The following RPTOR variants were observed in gnomAD, a reference collection of about 807,000 sequenced individuals.
RPTOR encodes the protein regulatory-associated protein of mTOR.
A neutral mutation model predicts 169.9 loss-of-function variants in RPTOR; 21 were observed. The ratio of observed to expected loss-of-function variants is 0.12; its 90% CI spans 0.09 to 0.18. RPTOR has a LOEUF of 0.18. Among genes scored for constraint, RPTOR ranks in the 10% least tolerant of loss-of-function variants. RPTOR has a pLI of 1.00. For synonymous variants in RPTOR, 732 were observed against 753.2 expected (o/e 0.97, Z 0.46); for missense variants, 1,133 against 1,855.9 (o/e 0.61, Z 7.16).
chr17:80,585,165 GTTTATTATT>G lies in RPTOR; in HGVS notation c.162+39375_162+39383del, dbSNP rs1387505591. Among the ~76,000 whole-genome samples the G allele has an allele frequency of 7.4e-5, 6 of 80,832 alleles. No homozygotes were observed. In the South Asian group the frequency reaches 2.2e-3, roughly 30 times the overall value. The allele number at this position is 80,832 out of a possible 152,430, so 53.0% of individuals were successfully genotyped here. ...ATCCTGTTCTTGTTTCAGTGCTTTG[GTTTATTATT>G]ATTATTATTATTATTATTATTATTA... On this transcript the variant is annotated intron_variant, in intron 1 of 33. Coordinates refer to ENST00000306801, the MANE Select transcript of RPTOR (RefSeq NM_020761.3).
At chr17:80,766,995 G>A (rs1308904615) in intron 6 of RPTOR, among the ~76,000 whole-genome samples, 5 of 152,142 alleles carry the variant, frequency 3.3e-5, no homozygotes, top group Admixed American at 1.3e-4. Flanking sequence ...TTTTTCTAGA[G>A]TGCTCAAGAA....
chr17:80,663,006 C>G (rs2065735925), intron 3 of RPTOR, among the ~76,000 whole-genome samples: 1 of 152,224 alleles, frequency 6.6e-6, no homozygotes, highest in African/African-American at 2.4e-5. Flanking sequence ...CCTTTTCTCC[C>G]TGTCATAATC....
intron 10 of RPTOR, among the ~76,000 whole-genome samples, chr17:80,840,609 C>G (rs1274580426): frequency 2.2e-5 from 1 of 45,192 alleles, no homozygotes; most frequent in Non-Finnish European, 6.9e-5. Flanking sequence ...GCAGCTCACT[C>G]TCACCACACC....
intron 13 of RPTOR, among the ~76,000 whole-genome samples, chr17:80,875,825 C>T (rs1198054510): frequency 2.1e-5 from 3 of 145,854 alleles, no homozygotes; most frequent in East Asian, 2.0e-4. Context: ...CCACCGAGCC[C>T]GTGCCGCCCA....
chr17:80,606,413 T>A (rs2065229964), intron 1 of RPTOR, among the ~76,000 whole-genome samples: 1 of 151,844 alleles, frequency 6.6e-6, no homozygotes, highest in Admixed American at 6.6e-5. Flanking sequence ...AGATGAGTGT[T>A]ATGTTGCCCA....
At chr17:80,771,943 C>G (rs1032364091) in intron 6 of RPTOR, among the ~76,000 whole-genome samples, 2 of 152,198 alleles carry the variant, frequency 1.3e-5, no homozygotes, top group Non-Finnish European at 2.9e-5. Context: ...CCTCAGCCTC[C>G]CTGGTAACTG....
At chr17:80,825,158 T>C (rs1404528920) in intron 9 of RPTOR, among the ~76,000 whole-genome samples, 2 of 134,848 alleles carry the variant, frequency 1.5e-5, no homozygotes, top group Non-Finnish European at 1.6e-5. Context: ...GAGGCCAGTA[T>C]GGGGCAGCCA....
intron 3 of RPTOR, among the ~76,000 whole-genome samples, chr17:80,661,183 C>T (rs1441626687): frequency 1.3e-5 from 2 of 152,164 alleles, no homozygotes; most frequent in African/African-American, 4.8e-5. Flanking sequence ...AGGGTGTAAG[C>T]GTGGCTGACT....
chr17:80,796,419 T>TA (rs1216352036), intron 7 of RPTOR, among the ~76,000 whole-genome samples: 4 of 152,124 alleles, frequency 2.6e-5, no homozygotes. Flanking sequence ...TCAGGAAACT[T>TA]ACAGTCATGG....
rs527698322 is a variant in RPTOR at position 80,598,555 on chromosome 17, G to A, written c.163-27136G>A. On this transcript the variant is annotated intron_variant, in intron 1 of 33. Transcript: ENST00000306801. ...TTGGGGTGAGAGAGTCCTCAGGAACGTTCGCATTTGCAGATGCCCAAGAGC... is the reference window on the plus strand; with the variant it reads ...TTGGGGTGAGAGAGTCCTCAGGAACATTCGCATTTGCAGATGCCCAAGAGC... Among the ~76,000 whole-genome samples the A allele has an allele frequency of 4.6e-5, 7 of 152,326 alleles. No homozygotes were observed. In the East Asian group the frequency reaches 1.3e-3, roughly 29 times the overall value.
At chr17:80,660,379 G>T (rs193026539) in intron 3 of RPTOR, among the ~76,000 whole-genome samples, 1 of 152,044 alleles carries the variant, frequency 6.6e-6, no homozygotes, top group Non-Finnish European at 1.5e-5. Flanking sequence ...GTGTTGTGTC[G>T]TGTCATGTCA....
chr17:80,685,091 A>T (rs946185612), intron 3 of RPTOR, among the ~76,000 whole-genome samples: 3 of 152,084 alleles, frequency 2.0e-5, no homozygotes, highest in Non-Finnish European at 4.4e-5. Flanking sequence ...CTACCTCAGG[A>T]TTGTATACCC....
intron 32 of RPTOR, 28 bp downstream of exon 32, chr17:80,962,605 C>T: frequency 1.3e-6 from 2 of 1,576,622 alleles, no homozygotes; most frequent in Non-Finnish European, 1.7e-6. Flanking sequence ...CCCTGGCCTG[C>T]ACCGCTCACC....
intron 21 of RPTOR, among the ~76,000 whole-genome samples, chr17:80,910,048 T>G (rs2068593858): frequency 6.6e-6 from 1 of 152,186 alleles, no homozygotes; most frequent in Non-Finnish European, 1.5e-5. Context: ...CACTCTACCC[T>G]TGAGCAGATG....
At chr17:80,819,477 T>G (rs1002736328) in intron 7 of RPTOR, among the ~76,000 whole-genome samples, 2 of 152,208 alleles carry the variant, frequency 1.3e-5, no homozygotes, top group African/African-American at 4.8e-5. Context: ...CGTGGTTTGT[T>G]TAATCATTTC....
intron 6 of RPTOR, among the ~76,000 whole-genome samples, chr17:80,770,021 A>G (rs2066826499): frequency 6.6e-6 from 1 of 152,198 alleles, no homozygotes; most frequent in Non-Finnish European, 1.5e-5. Flanking sequence ...AGGGTAATTT[A>G]TAAAGAACAG....
intron 1 of RPTOR, among the ~76,000 whole-genome samples, chr17:80,618,015 C>T (rs1028651333): frequency 6.9e-6 from 1 of 145,472 alleles, no homozygotes; most frequent in African/African-American, 2.8e-5. Context: ...GGGTCTTGCT[C>T]TGTCACCCAG....
At chr17:80,808,315 C>T (rs149878604) in intron 7 of RPTOR, among the ~76,000 whole-genome samples, 4,765 of 151,994 alleles carry the variant, frequency 0.031, 274 homozygotes, top group African/African-American at 0.11. Flanking sequence ...GTCCCAGCTG[C>T]TTGGGAGGCT....
At chr17:80,851,198 G>A (rs775098248) in intron 11 of RPTOR, among the ~76,000 whole-genome samples, 22 of 152,164 alleles carry the variant, frequency 1.4e-4, no homozygotes, top group South Asian at 6.2e-4. Flanking sequence ...CAAAGTGTTT[G>A]CATTACAGTA....
Sources: gnomAD v4.1 joint callset for allele counts (sites outside exome capture counted in the v4.1 genomes callset) on GRCh38, gnomAD v4.1.1 for gene constraint, MANE v1.5 for transcripts, NCBI Gene and HGNC (gene_info 2026-07-23, HGNC 2026-07-21) for gene names.